The following RNGTT variants were observed in gnomAD, a reference collection of about 807,000 sequenced individuals.
RNGTT encodes RNA guanylyltransferase and 5'-phosphatase, also known as mRNA-capping enzyme.
Under a neutral mutation model 79.3 loss-of-function variants are expected in RNGTT, and 33 were observed. That is an observed-to-expected ratio of 0.42 (90% CI 0.32 to 0.56). The LOEUF is 0.56. Among genes scored for constraint, RNGTT ranks in the 20% least tolerant of loss-of-function variants. RNGTT has a pLI of 0.17. For synonymous variants in RNGTT, 222 were observed against 235.9 expected (o/e 0.94, Z 0.54); for missense variants, 497 against 739.1 (o/e 0.67, Z 3.80).
intron 12 of RNGTT, among the ~76,000 whole-genome samples, chr6:88,788,482 T>C (rs925870759): frequency 2.0e-5 from 3 of 152,222 alleles, no homozygotes; most frequent in African/African-American, 7.2e-5. Flanking sequence ...ATTATCTTGA[T>C]TTTTTAATTA....
At chr6:88,878,898 G>A (rs988488994) in intron 8 of RNGTT, among the ~76,000 whole-genome samples, 4 of 152,112 alleles carry the variant, frequency 2.6e-5, no homozygotes, top group Non-Finnish European at 4.4e-5. Flanking sequence ...TTATTCCAGA[G>A]ACATCTGAAA....
At chr6:88,845,396 T>C (rs1433096886) in intron 10 of RNGTT, among the ~76,000 whole-genome samples, 2 of 152,210 alleles carry the variant, frequency 1.3e-5, no homozygotes, top group African/African-American at 2.4e-5. Flanking sequence ...ATGAACACTT[T>C]TGTATGAATT....
rs1031201429 is a variant in RNGTT, at chr6:88,816,989, C to G, written c.1270-15357G>C. On this transcript the variant is annotated intron_variant, in intron 11 of 15. Coordinates refer to ENST00000369485, the MANE Select transcript of RNGTT (RefSeq NM_003800.5). ...TACAAATCAACACTGGAACTTTGAA[C>G]TCAATCCTTAAAGTCTGGCCAGTAA... Among the ~76,000 whole-genome samples, 10 of 152,102 alleles carry G rather than the reference C, an allele frequency of 6.6e-5. No homozygotes were observed. In the East Asian group the frequency reaches 1.9e-3, roughly 29 times the overall value.
At chr6:88,843,092 C>CAAAAA (rs1554223010) in intron 11 of RNGTT, among the ~76,000 whole-genome samples, 5,920 of 147,930 alleles carry the variant, frequency 0.04, 167 homozygotes, top group African/African-American at 0.075. Context: ...CAAAACAAAA[C>CAAAAA]AAAACAAAAA....
At chr6:88,658,954 C>G (rs1372921236) in intron 14 of RNGTT, among the ~76,000 whole-genome samples, 1 of 152,230 alleles carries the variant, frequency 6.6e-6, no homozygotes, top group East Asian at 1.9e-4. Context: ...AGAACTCAGA[C>G]TGGCTTCCTG....
intron 10 of RNGTT, among the ~76,000 whole-genome samples, chr6:88,847,218 G>A (rs1235361976): frequency 3.3e-5 from 5 of 151,950 alleles, no homozygotes; most frequent in Non-Finnish European, 5.9e-5. Flanking sequence ...ATGAAACGCT[G>A]TGCAAATGGC....
intron 1 of RNGTT, among the ~76,000 whole-genome samples, chr6:88,956,383 A>G (rs143408020): frequency 2.4e-3 from 358 of 152,120 alleles, no homozygotes; most frequent in African/African-American, 8.2e-3. Context: ...AAAGTCCAAG[A>G]AAACAAAAAT....
intron 11 of RNGTT, among the ~76,000 whole-genome samples, chr6:88,825,817 T>C (rs939254287): frequency 2.0e-4 from 30 of 152,222 alleles, no homozygotes; most frequent in African/African-American, 7.0e-4. Flanking sequence ...ATAGTTGCCA[T>C]ATTCCTTATG....
intron 13 of RNGTT, among the ~76,000 whole-genome samples, chr6:88,750,496 T>A (rs1372442199): frequency 6.6e-6 from 1 of 152,202 alleles, no homozygotes; most frequent in Non-Finnish European, 1.5e-5. Context: ...TTCTGGCTTA[T>A]GAAACTGGTT....
At chr6:88,763,670 T>C (rs1300953577) in intron 13 of RNGTT, among the ~76,000 whole-genome samples, 1 of 152,290 alleles carries the variant, frequency 6.6e-6, no homozygotes, top group African/African-American at 2.4e-5. Context: ...TTTAGACATC[T>C]TGCTAAGACA....
chr6:88,789,484 C>T (rs369736684), intron 12 of RNGTT, among the ~76,000 whole-genome samples: 90 of 152,114 alleles, frequency 5.9e-4, no homozygotes, highest in Non-Finnish European at 6.3e-4. Context: ...CATTTGAACC[C>T]GGGAGGCGGA....
In RNGTT at chr6:88,772,530, C is replaced by T. The variant is rs192334059; in HGVS notation, c.1339-2656G>A. Among the ~76,000 whole-genome samples, 167 of 152,068 alleles carry T rather than the reference C, an allele frequency of 1.1e-3. 1 individual carries two copies. Among genetic ancestry groups the T allele is most frequent in the African/African-American group, 3.6e-3 (151 of 41,498 alleles). ...CAAAAGAAACTACCATCAGAGTGAA[C>T]AGGCAACCTACAAAATGGGAGAAAA... On this transcript the variant is annotated intron_variant, in intron 12 of 15. Coordinates refer to ENST00000369485, the MANE Select transcript of RNGTT (RefSeq NM_003800.5).
Position 88,860,782 on chromosome 6 carries a change from TG to T in RNGTT, c.897-7019del, listed in dbSNP as rs560501625. Among the ~76,000 whole-genome samples the T allele has an allele frequency of 1.2e-3, 188 of 151,008 alleles. 2 individuals are homozygous for T. Among genetic ancestry groups the T allele is most frequent in the South Asian group, 4.2e-3 (20 of 4,766 alleles). On this transcript the variant is annotated intron_variant, in intron 8 of 15. Transcript: ENST00000369485. ...TGAGGCCAGGAGTTCAAGACTAGCCTGGCCAAGATAGTGAGACCACATCTCT... is the reference window on the plus strand; with the variant it reads ...TGAGGCCAGGAGTTCAAGACTAGCCTGCCAAGATAGTGAGACCACATCTCT...
intron 4 of RNGTT, 25 bp from the exon 5 acceptor site, chr6:88,906,465 A>G: frequency 4.7e-6 from 7 of 1,475,858 alleles, no homozygotes; most frequent in Non-Finnish European, 6.5e-6. Flanking sequence ...AGCTTTGGTT[A>G]AAATTAACAA....
In RNGTT at chr6:88,615,667, G is replaced by A. The variant is rs140985329; in HGVS notation, c.1507-1272C>T. On this transcript the variant is annotated intron_variant, in intron 14 of 15. Transcript: ENST00000369485. ...CATTCAGTTAGGTAAACACAGTTTTGCTATACCACATGTAAGGTCTAACAG... is the reference window on the plus strand; with the variant it reads ...CATTCAGTTAGGTAAACACAGTTTTACTATACCACATGTAAGGTCTAACAG... Among the ~76,000 whole-genome samples the A allele has an allele frequency of 1.1e-4, 17 of 152,232 alleles. No individual in the cohort carries two copies. The East Asian group carries it at 3.1e-3, about 28-fold the overall frequency.
At chr6:88,949,294 C>T (rs1203985069) in intron 1 of RNGTT, among the ~76,000 whole-genome samples, 3 of 125,966 alleles carry the variant, frequency 2.4e-5, no homozygotes, top group Non-Finnish European at 4.7e-5. Context: ...CAGAGTCTTG[C>T]TCTGTTGCCC....
At chr6:88,755,647 A>C (rs746469983) in intron 13 of RNGTT, among the ~76,000 whole-genome samples, 2 of 152,070 alleles carry the variant, frequency 1.3e-5, no homozygotes, top group African/African-American at 4.8e-5. Context: ...TAAAATTTCT[A>C]TATGATGAGG....
intron 4 of RNGTT, among the ~76,000 whole-genome samples, chr6:88,915,299 A>G (rs1481555261): frequency 6.6e-6 from 1 of 152,360 alleles, no homozygotes; most frequent in Admixed American, 6.5e-5. Context: ...TCATTCTACC[A>G]AAAAGATACC....
At chr6:88,691,420 C>G (rs376169984) in intron 13 of RNGTT, among the ~76,000 whole-genome samples, 1 of 152,032 alleles carries the variant, frequency 6.6e-6, no homozygotes, top group East Asian at 1.9e-4. Flanking sequence ...AAGAATGAAC[C>G]AATACAGTTA....
Sources: gnomAD v4.1 joint callset for allele counts (sites outside exome capture counted in the v4.1 genomes callset) on GRCh38, gnomAD v4.1.1 for gene constraint, MANE v1.5 for transcripts, NCBI Gene and HGNC (gene_info 2026-07-23, HGNC 2026-07-21) for gene names.